EYA1: variants seen among roughly 807,000 people sequenced by gnomAD.
EYA1 encodes protein phosphatase EYA1.
EYA1 carries 16 observed loss-of-function variants against 82.0 expected under a neutral mutation model. The observed-to-expected ratio is 0.20, with a 90% CI of 0.13 to 0.30. EYA1 has a LOEUF of 0.30. Ranked by LOEUF, EYA1 falls within the 10% of genes least tolerant of loss-of-function variation. EYA1 has a pLI of 1.00. For missense variants in EYA1, 633 were observed against 730.7 expected (o/e 0.87, Z 1.54); for synonymous variants, 261 against 264.4 (o/e 0.99, Z 0.12).
intron 12 of EYA1, among the ~76,000 whole-genome samples, chr8:71,233,435 G>A (rs1276011649): frequency 6.6e-6 from 1 of 151,760 alleles, no homozygotes; most frequent in East Asian, 1.9e-4. Context: ...GTGGTGGTGG[G>A]CGCCTGTATT....
intron 2 of EYA1, among the ~76,000 whole-genome samples, chr8:71,411,734 T>A (rs1164894285): frequency 2.1e-5 from 3 of 143,662 alleles, no homozygotes; most frequent in African/African-American, 7.9e-5. Context: ...AAACAACAGG[T>A]GCTGGAGAGG....
At chr8:71,407,411 C>G (rs1430566189) in intron 2 of EYA1, among the ~76,000 whole-genome samples, 1 of 145,862 alleles carries the variant, frequency 6.9e-6, no homozygotes, top group African/African-American at 2.5e-5. Flanking sequence ...AGGTTTCAGA[C>G]GATCAAATTA....
At chr8:71,406,463 C>T (rs889356855) in intron 2 of EYA1, among the ~76,000 whole-genome samples, 6 of 152,280 alleles carry the variant, frequency 3.9e-5, no homozygotes, top group East Asian at 3.9e-4. Flanking sequence ...TCTGAGGTAC[C>T]GGGTTCATCT....
At chr8:71,523,269 CCCAGGTTCACG>C (rs1813565659) in intron 2 of EYA1, among the ~76,000 whole-genome samples, 1 of 149,344 alleles carries the variant, frequency 6.7e-6, no homozygotes, top group Admixed American at 6.8e-5. Flanking sequence ...AGCTCCGCCT[CCCAGGTTCACG>C]CCATTCTCCT....
rs186947397 is a variant in EYA1, at chr8:71,319,577, C to T, written c.419-1888G>A. On this transcript the variant is annotated intron_variant, in intron 6 of 17. Transcript: ENST00000340726. ...ACTTCTACCTACAAGGTGGCAAACT[C>T]ATTTCACTGGCAGACTCCAAGCAGA... Among the ~76,000 whole-genome samples, 33 of 152,266 alleles carry T rather than the reference C, an allele frequency of 2.2e-4. No individual in the cohort carries two copies. In the East Asian group the frequency reaches 6.2e-3, roughly 29 times the overall value.
At chr8:71,274,025 T>C (rs576724296) in intron 9 of EYA1, among the ~76,000 whole-genome samples, 2 of 152,352 alleles carry the variant, frequency 1.3e-5, no homozygotes, top group African/African-American at 4.8e-5. Context: ...TCTTTATTAT[T>C]ATCACTTTTT....
intron 2 of EYA1, among the ~76,000 whole-genome samples, chr8:71,453,750 T>C (rs1038669177): frequency 6.6e-6 from 1 of 152,116 alleles, no homozygotes; most frequent in African/African-American, 2.4e-5. Flanking sequence ...AGACCTGCCC[T>C]ACAAGCGCTC....
intron 2 of EYA1, among the ~76,000 whole-genome samples, chr8:71,445,663 G>A (rs1234048323): frequency 6.6e-6 from 1 of 152,120 alleles, no homozygotes; most frequent in African/African-American, 2.4e-5. Flanking sequence ...TTGAGACTGA[G>A]TCTCACTCTG....
intron 2 of EYA1, among the ~76,000 whole-genome samples, chr8:71,451,988 A>C (rs1807420962): frequency 6.6e-6 from 1 of 152,210 alleles, no homozygotes; most frequent in Admixed American, 6.5e-5. Context: ...TCACCTGGGA[A>C]GTGCAAGGGG....
intron 12 of EYA1, among the ~76,000 whole-genome samples, chr8:71,231,497 C>A (rs189751370): frequency 1.3e-5 from 2 of 152,346 alleles, no homozygotes; most frequent in Admixed American, 6.5e-5. Context: ...CTCCAACACT[C>A]TGCCTTGCCA....
intron 16 of EYA1, among the ~76,000 whole-genome samples, chr8:71,213,783 T>A (rs982136920): frequency 6.6e-6 from 1 of 152,182 alleles, no homozygotes; most frequent in Non-Finnish European, 1.5e-5. Flanking sequence ...GATTTCCCCA[T>A]CAGTTAATTG....
intron 2 of EYA1, among the ~76,000 whole-genome samples, chr8:71,492,443 A>C (rs1811070400): frequency 6.6e-6 from 1 of 151,490 alleles, no homozygotes; most frequent in South Asian, 2.1e-4. Context: ...CCACAGAATG[A>C]CAGTTTATTT....
At chr8:71,493,284 T>C (rs919404187) in intron 2 of EYA1, among the ~76,000 whole-genome samples, 2 of 152,222 alleles carry the variant, frequency 1.3e-5, no homozygotes, top group Non-Finnish European at 2.9e-5. Flanking sequence ...AGGCAAGATA[T>C]GCACACATGT....
At chr8:71,298,905 A>C in intron 9 of EYA1, 142 bp downstream of exon 9, 1 of 703,942 alleles carries the variant, frequency 1.4e-6, no homozygotes, top group South Asian at 1.6e-5. Flanking sequence ...TGAATGCCAC[A>C]GTCATGCTGC....
Position 71,406,806 on chromosome 8 carries a change from C to G in EYA1, c.34-50295G>C, listed in dbSNP as rs1170109236. Among the ~76,000 whole-genome samples the G allele has an allele frequency of 6.7e-4, 98 of 146,348 alleles. 1 individual carries two copies. The highest frequency in any genetic ancestry group is 2.4e-3 in the African/African-American group (95 of 40,096). On this transcript the variant is annotated intron_variant, in intron 2 of 18. Coordinates refer to the EYA1 transcript ENST00000643681. ...GCAGCGAGGCTGGGGGAGGGGCGCC[C>G]GCCATTGCCCAGGCTTGCTTAGGTA...
chr8:71,466,143 A>C (rs1460104102), intron 2 of EYA1, among the ~76,000 whole-genome samples: 1 of 152,174 alleles, frequency 6.6e-6, no homozygotes, highest in Non-Finnish European at 1.5e-5. Flanking sequence ...ATTAGTACTG[A>C]AAAACCTCAT....
chr8:71,466,918 T>A (rs1045972598), intron 2 of EYA1, among the ~76,000 whole-genome samples: 2 of 152,114 alleles, frequency 1.3e-5, no homozygotes, highest in African/African-American at 2.4e-5. Flanking sequence ...AATTTTAAAG[T>A]GACTTTTTGT....
At chr8:71,401,814 TTTCTG>T (rs1829973969) in intron 2 of EYA1, among the ~76,000 whole-genome samples, 1 of 152,220 alleles carries the variant, frequency 6.6e-6, no homozygotes, top group African/African-American at 2.4e-5. Context: ...CTACCACCAC[TTTCTG>T]AATCATTTTT....
At chr8:71,269,478 T>G (rs1816254078) in intron 11 of EYA1, among the ~76,000 whole-genome samples, 1 of 152,240 alleles carries the variant, frequency 6.6e-6, no homozygotes, top group South Asian at 2.1e-4. Flanking sequence ...TAGGATAAAA[T>G]TCAATCACTT....
Sources: gnomAD v4.1 joint callset for allele counts (sites outside exome capture counted in the v4.1 genomes callset) on GRCh38, gnomAD v4.1.1 for gene constraint, MANE v1.5 for transcripts, NCBI Gene and HGNC (gene_info 2026-07-23, HGNC 2026-07-21) for gene names.